The following EYA2 variants were observed in gnomAD, a reference collection of about 807,000 sequenced individuals.
The protein encoded by EYA2 is EYA transcriptional coactivator and phosphatase 2.
In EYA2, 31 loss-of-function variants were observed where a neutral mutation model predicts 69.2. The ratio of observed to expected loss-of-function variants is 0.45; its 90% CI spans 0.34 to 0.60. The LOEUF (loss-of-function observed/expected upper bound fraction) is 0.60. EYA2 is among the 20% of genes least tolerant of loss of function. The probability of loss-of-function intolerance (pLI) is 0.02; values close to 1 mark genes in which losing one functional copy is unlikely to be tolerated. For missense variants in EYA2, 622 were observed against 701.2 expected (o/e 0.89, Z 1.28); for synonymous variants, 257 against 279.4 (o/e 0.92, Z 0.80).
At chr20:47,012,473 A>G (rs942039140) in intron 4 of EYA2, among the ~76,000 whole-genome samples, 2 of 152,236 alleles carry the variant, frequency 1.3e-5, no homozygotes, top group Non-Finnish European at 2.9e-5. Flanking sequence ...ATGAATTACC[A>G]GAAAAATCAA....
At chr20:46,978,902 G>A (rs1464633301) in intron 1 of EYA2, among the ~76,000 whole-genome samples, 1 of 152,238 alleles carries the variant, frequency 6.6e-6, no homozygotes, top group Non-Finnish European at 1.5e-5. Context: ...AATGGGGGAA[G>A]CCAAGATGGT....
intron 5 of EYA2, chr20:47,071,951 C>T: frequency 1.8e-6 from 1 of 554,302 alleles, no homozygotes; most frequent in South Asian, 2.1e-5. Flanking sequence ...TGGAAGCACC[C>T]AGGAGGCCGT....
At chr20:46,988,272 C>CT (rs1981427578) in intron 1 of EYA2, among the ~76,000 whole-genome samples, 1 of 151,678 alleles carries the variant, frequency 6.6e-6, no homozygotes, top group East Asian at 1.9e-4. Flanking sequence ...TATTTTTGAA[C>CT]TTTATGTTGA....
chr20:46,927,141 C>T (rs1410556298), intron 1 of EYA2, among the ~76,000 whole-genome samples: 2 of 152,150 alleles, frequency 1.3e-5, no homozygotes, highest in Non-Finnish European at 2.9e-5. Context: ...GTTGAGTTTA[C>T]CAACACATAG....
rs371553047 is a variant in EYA2 at position 47,004,964 on chromosome 20, C to G, written c.178C>G (p.Arg60Gly). The G allele has an allele frequency of 8.1e-6, 13 of 1,613,980 alleles. No homozygotes were observed. The Admixed American group carries it at 1.8e-4, about 23-fold the overall frequency. Residue 60 changes from arginine (R) to glycine (G), a missense_variant, in exon 4 of 16, where the codon CGC (arginine) becomes GGC (glycine). Arg to Gly is a moderately radical substitution (Grantham distance 125). This residue lies in a region of EYA2 where 365 missense variants were observed against 349.7 expected (regional missense o/e 1.04). Coordinates refer to ENST00000327619, the MANE Select transcript of EYA2 (RefSeq NM_005244.5). ...FSRSCPRVLP[R>G]QPSTAMAAYG... ...CAGATCTTGCCCACGTGTCCTCCCC[C>G]GCCAGCCTTCCACAGCCATGGCAGC...
rs963585355 is a variant in EYA2 at position 47,136,938 on chromosome 20, C to T, written c.889-6121C>T. On this transcript the variant is annotated intron_variant, in intron 9 of 15. Coordinates refer to ENST00000327619, the MANE Select transcript of EYA2 (RefSeq NM_005244.5). The stretch of plus-strand genomic sequence containing the variant: ...GAAATCTGTAGAACATTAGGGCACG[C>T]TAAGAAAATCTACAGCGTCTTTGTC... 2.0e-5 allele frequency among the ~76,000 whole-genome samples: 3 copies of T among 152,160 alleles called. No homozygotes were observed. The South Asian group carries it at 6.2e-4, about 32-fold the overall frequency.
intron 5 of EYA2, among the ~76,000 whole-genome samples, chr20:47,053,388 G>A (rs556335244): frequency 4.6e-5 from 7 of 152,168 alleles, no homozygotes; most frequent in Admixed American, 2.0e-4. Flanking sequence ...ACATTCGGCC[G>A]GGTGCAGCGG....
intron 10 of EYA2, among the ~76,000 whole-genome samples, chr20:47,154,247 G>GCTGT (rs1175532652): frequency 6.6e-6 from 1 of 152,016 alleles, no homozygotes; most frequent in African/African-American, 2.4e-5. Flanking sequence ...AGAGAAAACA[G>GCTGT]CTGTCTGGTG....
intron 8 of EYA2, among the ~76,000 whole-genome samples, chr20:47,090,229 C>CTTTTTTT (rs60732138): frequency 8.2e-6 from 1 of 122,068 alleles, no homozygotes; most frequent in East Asian, 2.4e-4. Flanking sequence ...ATGCTCCAAT[C>CTTTTTTT]TTTTTTTTTT....
At chr20:47,101,490 A>T (rs982327126) in intron 9 of EYA2, among the ~76,000 whole-genome samples, 4 of 152,168 alleles carry the variant, frequency 2.6e-5, no homozygotes, top group African/African-American at 9.7e-5. Context: ...CCTGCAAGGG[A>T]GTCTGTGAAA....
Position 46,990,068 on chromosome 20 carries a change from C to T in EYA2, c.58C>T (p.Leu20=). The T allele has an allele frequency of 6.2e-7, 1 of 1,613,096 alleles. No homozygotes were observed. Among genetic ancestry groups the T allele is most frequent in the Non-Finnish European group, 8.5e-7 (1 of 1,179,080 alleles). The change falls in exon 2 of 16, where the codon CTG becomes TTG. Residue 20 remains leucine (L), a synonymous_variant. Transcript: ENST00000327619. ...LTVNSDCLDK[L]KFNRADAAVW... ...TGTAAACAGCGATTGTCTGGATAAACTGAAGTTTAACCGTGCTGACGCTGC... is the reference window on the plus strand; with the variant it reads ...TGTAAACAGCGATTGTCTGGATAAATTGAAGTTTAACCGTGCTGACGCTGC...
At chr20:46,925,164 T>C (rs777564082) in intron 1 of EYA2, among the ~76,000 whole-genome samples, 2 of 152,214 alleles carry the variant, frequency 1.3e-5, no homozygotes, top group Non-Finnish European at 2.9e-5. Flanking sequence ...TGAGGACCCA[T>C]ATAACTCCAA....
At position 46,990,063 on chromosome 20, in the gene EYA2, A is replaced by G. The variant is rs748380504; in HGVS notation, c.53A>G (p.Asp18Gly). The change falls in exon 2 of 16, where the codon GAT becomes GGT. Residue 18 changes from aspartate (D) to glycine (G), a missense_variant. By Grantham distance (94) the Asp-to-Gly change is moderately conservative (BLOSUM62 -1). Coordinates refer to ENST00000327619, the MANE Select transcript of EYA2 (RefSeq NM_005244.5). ...CTCACTGTAAACAGCGATTGTCTGG[A>G]TAAACTGAAGTTTAACCGTGCTGAC... The part of the protein sequence containing the change: ...PSLTVNSDCL[D>G]KLKFNRADAA... 1.2e-5 allele frequency: 20 copies of G among 1,612,698 alleles called. No homozygotes were observed. In the African/African-American group the frequency reaches 2.5e-4, roughly 20 times the overall value.
At chr20:47,050,973 A>G (rs975621484) in intron 5 of EYA2, among the ~76,000 whole-genome samples, 1 of 152,254 alleles carries the variant, frequency 6.6e-6, no homozygotes, top group African/African-American at 2.4e-5. Flanking sequence ...ATGGGAGGTC[A>G]TTTTGGTGAG....
At chr20:47,065,479 T>C (rs1214565276) in intron 5 of EYA2, among the ~76,000 whole-genome samples, 1 of 151,586 alleles carries the variant, frequency 6.6e-6, no homozygotes, top group African/African-American at 2.4e-5. Context: ...TAAAATTTCA[T>C]GGGAGGTGGG....
chr20:46,911,231 TTGTGTG>T (rs140564632), intron 1 of EYA2, among the ~76,000 whole-genome samples: 78 of 148,328 alleles, frequency 5.3e-4, no homozygotes, highest in Admixed American at 2.8e-3. Flanking sequence ...GCTGGATAAT[TTGTGTG>T]TGTGTGTGTG....
chr20:47,032,596 C>G (rs557290855), intron 5 of EYA2, among the ~76,000 whole-genome samples: 1 of 152,224 alleles, frequency 6.6e-6, no homozygotes, highest in Admixed American at 6.5e-5. Flanking sequence ...TCTCGGAGAT[C>G]TCTCAAAGTC....
At chr20:47,040,383 T>C (rs762199870) in intron 5 of EYA2, among the ~76,000 whole-genome samples, 4 of 152,184 alleles carry the variant, frequency 2.6e-5, no homozygotes, top group Non-Finnish European at 5.9e-5. Context: ...TCTCCGTATC[T>C]CCCTCAATGG....
chr20:46,916,859 C>T (rs1185301676), intron 1 of EYA2, among the ~76,000 whole-genome samples: 1 of 152,070 alleles, frequency 6.6e-6, no homozygotes, highest in Non-Finnish European at 1.5e-5. Context: ...CTCTACTGTT[C>T]GAAGTGAGCT....
Sources: gnomAD v4.1 joint callset for allele counts (sites outside exome capture counted in the v4.1 genomes callset) on GRCh38, gnomAD v4.1.1 for gene constraint, gnomAD v4.1.1 regional missense constraint, MANE v1.5 for transcripts, NCBI Gene and HGNC (gene_info 2026-07-23, HGNC 2026-07-21) for gene names.